The following METTL14 variants were observed in gnomAD, a reference collection of about 807,000 sequenced individuals.
METTL14 encodes the protein N(6)-adenosine-methyltransferase non-catalytic subunit METTL14.
A neutral mutation model predicts 62.4 loss-of-function variants in METTL14; 32 were observed. That is an observed-to-expected ratio of 0.51 (90% CI 0.39 to 0.69). METTL14 has a LOEUF of 0.69. Among genes scored for constraint, METTL14 ranks in the 30% least tolerant of loss-of-function variants. The probability of loss-of-function intolerance (pLI) is 0.00; values close to 1 mark genes in which losing one functional copy is unlikely to be tolerated. For synonymous variants in METTL14, 150 were observed against 180.0 expected, an observed-to-expected ratio of 0.83 and a Z score of 1.34; for missense variants, 340 against 551.9, an observed-to-expected ratio of 0.62 and a Z score of 3.85.
intron 3 of METTL14, 57 bp downstream of exon 3, chr4:118,689,514 A>T (rs1306219052): frequency 1.0e-6 from 1 of 997,364 alleles, no homozygotes; most frequent in Non-Finnish European, 1.5e-6. Context: ...CAAATGATAG[A>T]TTCATATCCA....
chr4:118,713,735 G>A lies in METTL14; in HGVS notation c.*3433G>A, dbSNP rs796981165. ...GCTGAACTTTTCTTGTGTATATATA[G>A]TTAGTTTTGAGGCCATAAATCTAGG... On this transcript the variant is annotated 3_prime_UTR_variant, in exon 11 of 11. Transcript: ENST00000388822. The A allele has an allele frequency of 1.1e-4, 17 of 152,176 alleles. No homozygotes were observed. The highest frequency in any genetic ancestry group is 3.4e-4 in the African/African-American group (14 of 41,454). 9.4% of individuals were successfully genotyped at this position (152,176 alleles called of 1,614,324 possible).
At chr4:118,689,554 T>C in intron 3 of METTL14, 97 bp downstream of exon 3, 1 of 625,212 alleles carries the variant, frequency 1.6e-6, no homozygotes. Context: ...AAGCCTAATT[T>C]TAAGATGTGC....
intron 1 of METTL14, chr4:118,686,725 CAGA>C (rs1278633576): frequency 2.2e-6 from 1 of 446,602 alleles, no homozygotes. Context: ...GTTGCTACCA[CAGA>C]AGACGTTTTA....
At chr4:118,689,111 C>A (rs115267066) in intron 2 of METTL14, among the ~76,000 whole-genome samples, 42 of 152,246 alleles carry the variant, frequency 2.8e-4, no homozygotes, top group African/African-American at 8.9e-4. Flanking sequence ...TAAAATAATA[C>A]ATACTATATA....
intron 1 of METTL14, 35 bp downstream of exon 1, chr4:118,685,635 G>C: frequency 6.3e-7 from 1 of 1,597,136 alleles, no homozygotes; most frequent in Non-Finnish European, 8.6e-7. Flanking sequence ...GGGAGGGATC[G>C]AGAATGCGAG....
intron 7 of METTL14, among the ~76,000 whole-genome samples, chr4:118,697,760 A>G (rs1341043306): frequency 6.6e-6 from 1 of 152,200 alleles, no homozygotes; most frequent in Non-Finnish European, 1.5e-5. Flanking sequence ...GTATGGACAC[A>G]TAATTACAAT....
At chr4:118,703,042 T>C (rs980679804) in intron 8 of METTL14, among the ~76,000 whole-genome samples, 10 of 151,396 alleles carry the variant, frequency 6.6e-5, no homozygotes, top group African/African-American at 1.7e-4. Context: ...ACATGTGCCA[T>C]GGTGGTTTGC....
chr4:118,697,380 A>T, intron 7 of METTL14, 57 bp downstream of exon 7: 1 of 1,414,508 alleles, frequency 7.1e-7, no homozygotes, highest in Non-Finnish European at 9.6e-7. Flanking sequence ...GAATATGTTT[A>T]TTTGGTCAGA....
intron 8 of METTL14, among the ~76,000 whole-genome samples, chr4:118,702,601 C>T (rs1724627672): frequency 6.6e-6 from 1 of 151,914 alleles, no homozygotes; most frequent in Non-Finnish European, 1.5e-5. Flanking sequence ...CATGGTGAAA[C>T]CCCATCTCTA....
chr4:118,698,047 T>G (rs1724469097), intron 7 of METTL14, among the ~76,000 whole-genome samples: 1 of 152,062 alleles, frequency 6.6e-6, no homozygotes, highest in Admixed American at 6.6e-5. Context: ...TGAGGTGATG[T>G]GTTAGGAGTT....
intron 8 of METTL14, among the ~76,000 whole-genome samples, chr4:118,701,298 C>T (rs1416478012): frequency 6.7e-6 from 1 of 149,390 alleles, no homozygotes; most frequent in Non-Finnish European, 1.5e-5. Context: ...AAGCAGTTTT[C>T]CCACATCAGC....
At chr4:118,700,968 G>A (rs1354490742) in intron 8 of METTL14, among the ~76,000 whole-genome samples, 1 of 152,028 alleles carries the variant, frequency 6.6e-6, no homozygotes, top group Non-Finnish European at 1.5e-5. Context: ...TTTATGAGTA[G>A]CTAAAAAGTG....
chr4:118,697,082 T>C lies in METTL14; in HGVS notation c.504-100T>C. 4.7e-6 allele frequency: 4 copies of C among 857,578 alleles called. No homozygotes were observed. In the South Asian group the frequency reaches 7.9e-5, roughly 17 times the overall value. 53.1% of individuals were successfully genotyped at this position (857,578 alleles called of 1,614,324 possible). Reference sequence around the variant, plus strand: ...TGTTTAGTAATAATGTTTAGTGATATCTAAGACATTTCTTTCATTACCATC... The same window carrying C: ...TGTTTAGTAATAATGTTTAGTGATACCTAAGACATTTCTTTCATTACCATC... On this transcript the variant is annotated intron_variant, in intron 6 of 10. Transcript: ENST00000388822.
At chr4:118,708,099 C>T (rs979881836) in intron 10 of METTL14, among the ~76,000 whole-genome samples, 1 of 152,174 alleles carries the variant, frequency 6.6e-6, no homozygotes, top group Admixed American at 6.5e-5. Flanking sequence ...GCTGGGATTA[C>T]AAGTGTGAGC....
At chr4:118,702,118 C>CTTTTTTT (rs70944803) in intron 8 of METTL14, among the ~76,000 whole-genome samples, 1 of 128,670 alleles carries the variant, frequency 7.8e-6, no homozygotes, top group African/African-American at 2.8e-5. Flanking sequence ...AGGTTTTTAT[C>CTTTTTTT]TTTTTTTTTT....
chr4:118,697,440 G>C (rs889607277), intron 7 of METTL14, 117 bp downstream of exon 7: 11 of 843,564 alleles, frequency 1.3e-5, no homozygotes, highest in Non-Finnish European at 1.9e-5. Context: ...TATAAATGTA[G>C]ATTTATAGTG....
chr4:118,703,213 T>C (rs1724655805), intron 8 of METTL14, among the ~76,000 whole-genome samples: 1 of 152,086 alleles, frequency 6.6e-6, no homozygotes, highest in Non-Finnish European at 1.5e-5. Flanking sequence ...TTAAAGTTGA[T>C]GGGGATAGGG....
intron 1 of METTL14, 52 bp downstream of exon 1, chr4:118,685,652 G>C (rs762516427): frequency 1.1e-5 from 16 of 1,518,358 alleles, no homozygotes; most frequent in African/African-American, 1.4e-5. Context: ...CGAGTGCGCG[G>C]CCGCCTCCTC....
intron 5 of METTL14, among the ~76,000 whole-genome samples, 158 bp downstream of exon 5, chr4:118,692,226 CTT>C (rs11387432): frequency 9.9e-5 from 13 of 131,426 alleles, no homozygotes; most frequent in Admixed American, 1.6e-4. Flanking sequence ...CTTTTCTTTT[CTT>C]TTTTTTTTTT....
Sources: gnomAD v4.1 joint callset for allele counts (sites outside exome capture counted in the v4.1 genomes callset) on GRCh38, gnomAD v4.1.1 for gene constraint, MANE v1.5 for transcripts, NCBI Gene and HGNC (gene_info 2026-07-23, HGNC 2026-07-21) for gene names.